The following ZMYND8 variants were observed in gnomAD, a reference collection of about 807,000 sequenced individuals.
ZMYND8 encodes MYND-type zinc finger-containing chromatin reader ZMYND8.
In ZMYND8, 37 loss-of-function variants were observed where a neutral mutation model predicts 140.8. The ratio of observed to expected loss-of-function variants is 0.26; its 90% CI spans 0.20 to 0.35. ZMYND8 has a LOEUF of 0.35. Among genes scored for constraint, ZMYND8 ranks in the 10% least tolerant of loss-of-function variants. The pLI is 1.00. For synonymous variants in ZMYND8, 592 were observed against 597.1 expected (o/e 0.99, Z 0.12); for missense variants, 1,068 against 1,570.0 (o/e 0.68, Z 5.40).
At chr20:47,270,288 G>A (rs1025751031) in intron 11 of ZMYND8, among the ~76,000 whole-genome samples, 3 of 145,616 alleles carry the variant, frequency 2.1e-5, no homozygotes, top group Admixed American at 7.1e-5. Context: ...CAGGAGAATC[G>A]CTTGAACCCA....
intron 10 of ZMYND8, among the ~76,000 whole-genome samples, chr20:47,278,719 T>G (rs1049740980): frequency 2.4e-4 from 37 of 152,120 alleles, no homozygotes; most frequent in African/African-American, 8.5e-4. Context: ...CCATTCTGAC[T>G]GCTGTCTTTC....
intron 11 of ZMYND8, among the ~76,000 whole-genome samples, chr20:47,269,077 T>TA (rs970003383): frequency 1.3e-5 from 2 of 151,944 alleles, no homozygotes; most frequent in African/African-American, 4.8e-5. Context: ...CACATGCCTG[T>TA]AATCCCAGCT....
intron 2 of ZMYND8, among the ~76,000 whole-genome samples, chr20:47,327,175 C>T (rs2080502299): frequency 6.6e-6 from 1 of 151,956 alleles, no homozygotes; most frequent in Non-Finnish European, 1.5e-5. Context: ...CACCACCACG[C>T]CTGGCTAATT....
chr20:47,246,092 C>T lies in ZMYND8; in HGVS notation c.2200G>A (p.Val734Ile), dbSNP rs778689531. 2 of 1,614,068 alleles carry T rather than the reference C, an allele frequency of 1.2e-6. No individual in the cohort carries two copies. The highest frequency in any genetic ancestry group is 1.3e-5 in the African/African-American group (1 of 74,924). The change falls in exon 14 of 23, where the codon GTC becomes ATC. Residue 734 changes from valine to isoleucine, a missense_variant. Val to Ile is a conservative substitution (Grantham distance 29). Coordinates refer to ENST00000471951, the MANE Select transcript of ZMYND8 (RefSeq NM_001281775.3). ...GAATGGTCTTCTCCTAAATCTATGA[C>T]AAGTTCGCTCTCTGAATCAGAGTCC... ...GLDSDSESEL[V>I]IDLGEDHSGR...
At chr20:47,292,427 A>C (rs2077322759) in intron 5 of ZMYND8, among the ~76,000 whole-genome samples, 1 of 152,174 alleles carries the variant, frequency 6.6e-6, no homozygotes, top group Non-Finnish European at 1.5e-5. Flanking sequence ...GCAAAAAAAA[A>C]ACAAAAAAAT....
At chr20:47,350,511 A>G (rs542145672) in intron 1 of ZMYND8, among the ~76,000 whole-genome samples, 46 of 150,762 alleles carry the variant, frequency 3.1e-4, no homozygotes, top group Middle Eastern at 3.4e-3. Flanking sequence ...TGTTATTAGG[A>G]AAAAAAAATG....
At chr20:47,300,755 C>G (rs968259815) in intron 3 of ZMYND8, among the ~76,000 whole-genome samples, 5 of 152,150 alleles carry the variant, frequency 3.3e-5, no homozygotes, top group African/African-American at 1.2e-4. Context: ...TGCTCTGTCG[C>G]CCAGGCTGGA....
intron 2 of ZMYND8, among the ~76,000 whole-genome samples, chr20:47,310,645 G>T (rs1601809141): frequency 1.3e-5 from 2 of 151,990 alleles, no homozygotes; most frequent in East Asian, 1.9e-4. Context: ...AATTAGCCTG[G>T]TGTGGTGGCA....
At chr20:47,354,111 T>C (rs191597365) in intron 1 of ZMYND8, 3 of 152,270 alleles carry the variant, frequency 2.0e-5, no homozygotes, top group African/African-American at 7.2e-5. Context: ...AATGCTACTT[T>C]GAAAGCAATT....
At chr20:47,252,340 C>CAGGACTCA (rs143073833) in intron 12 of ZMYND8, among the ~76,000 whole-genome samples, 3,777 of 146,824 alleles carry the variant, frequency 0.026, 173 homozygotes, top group African/African-American at 0.09. Flanking sequence ...TTCCAGTAGG[C>CAGGACTCA]AGGACTCAAG....
intron 2 of ZMYND8, among the ~76,000 whole-genome samples, chr20:47,322,516 C>T (rs1488911332): frequency 1.3e-5 from 2 of 150,072 alleles, no homozygotes; most frequent in African/African-American, 2.5e-5. Context: ...TCTTGGCTCA[C>T]TGCGACCTCC....
At chr20:47,346,001 G>C (rs2082306153) in intron 2 of ZMYND8, among the ~76,000 whole-genome samples, 1 of 152,158 alleles carries the variant, frequency 6.6e-6, no homozygotes, top group Non-Finnish European at 1.5e-5. Flanking sequence ...TGAAGGGTGA[G>C]GATGGGAGTA....
chr20:47,287,075 G>T (rs551468381), intron 8 of ZMYND8, among the ~76,000 whole-genome samples, 154 bp downstream of exon 8: 1 of 152,264 alleles, frequency 6.6e-6, no homozygotes, highest in Admixed American at 6.5e-5. Flanking sequence ...GCCCCTCTTT[G>T]TTCTTTTTAC....
chr20:47,333,369 A>C (rs1198220459), intron 2 of ZMYND8, among the ~76,000 whole-genome samples: 1 of 151,848 alleles, frequency 6.6e-6, no homozygotes, highest in Admixed American at 6.6e-5. Flanking sequence ...TGAGAGACTG[A>C]GGGAGGCAGA....
chr20:47,216,291 C>T (rs2036085789), intron 21 of ZMYND8, among the ~76,000 whole-genome samples: 1 of 151,968 alleles, frequency 6.6e-6, no homozygotes, highest in Non-Finnish European at 1.5e-5. Context: ...GTCAGGAGTT[C>T]AAGACCAGCC....
chr20:47,344,571 TAA>T (rs1489868820), intron 2 of ZMYND8, among the ~76,000 whole-genome samples: 1 of 152,174 alleles, frequency 6.6e-6, no homozygotes, highest in Non-Finnish European at 1.5e-5. Context: ...AGTGGGATTC[TAA>T]AACGGAAAAG....
At chr20:47,329,202 T>C (rs73304099) in intron 2 of ZMYND8, among the ~76,000 whole-genome samples, 5,639 of 152,248 alleles carry the variant, frequency 0.037, 370 homozygotes, top group African/African-American at 0.12. Context: ...ACCTACAGCA[T>C]TCAGCACAGC....
chr20:47,350,395 T>C (rs1231843625), intron 1 of ZMYND8, among the ~76,000 whole-genome samples: 2 of 151,436 alleles, frequency 1.3e-5, no homozygotes, highest in Non-Finnish European at 2.9e-5. Flanking sequence ...AATTAGTCAT[T>C]TTGAATAGCC....
In ZMYND8 at chr20:47,338,247, C is replaced by A. The variant is rs114371179; in HGVS notation, c.85+9609G>T. ...CTATTGTCCCTGAGGAGGCTCCGGG[C>A]TGGCTCTACTCCCGAGAGTGGCCTG... On this transcript the variant is annotated intron_variant, in intron 2 of 22. Transcript: ENST00000471951. Among the ~76,000 whole-genome samples, 761 of 152,224 alleles carry A rather than the reference C, an allele frequency of 5.0e-3. 6 individuals are homozygous for A. The highest frequency in any genetic ancestry group is 0.018 in the African/African-American group (733 of 41,532).
Sources: allele counts gnomAD v4.1 joint callset (sites outside exome capture counted in the v4.1 genomes callset), GRCh38; gene constraint gnomAD v4.1.1; transcripts MANE v1.5; gene names NCBI Gene and HGNC (gene_info 2026-07-23, HGNC 2026-07-21).